The following BDH1 variants were observed in gnomAD, a reference collection of about 807,000 sequenced individuals.
The protein encoded by BDH1 is D-beta-hydroxybutyrate dehydrogenase, mitochondrial.
Under a neutral mutation model 33.1 loss-of-function variants are expected in BDH1, and 30 were observed. The ratio of observed to expected loss-of-function variants is 0.91; its 90% CI spans 0.68 to 1.23. BDH1 has a LOEUF of 1.23. Among genes scored for constraint, BDH1 ranks in the 50% most tolerant of loss-of-function variants. The pLI, the probability that BDH1 is intolerant of heterozygous loss-of-function variation, is 0.00. For missense variants in BDH1, 443 were observed against 464.4 expected (o/e 0.95, Z 0.42); for synonymous variants, 190 against 183.6 (o/e 1.03, Z -0.28).
At chr3:197,519,245 C>A (rs1713256216) in intron 6 of BDH1, among the ~76,000 whole-genome samples, 1 of 152,098 alleles carries the variant, frequency 6.6e-6, no homozygotes, top group Admixed American at 6.5e-5. Flanking sequence ...TCTTCCCATG[C>A]TCTTGTAGTG....
intron 2 of BDH1, among the ~76,000 whole-genome samples, chr3:197,552,067 A>G (rs539410903): frequency 9.2e-5 from 14 of 152,288 alleles, no homozygotes; most frequent in Middle Eastern, 3.4e-3. Context: ...AACTCAGACA[A>G]CTGCGCATCT....
intron 5 of BDH1, chr3:197,529,044 G>A (rs1261459009): frequency 3.3e-5 from 5 of 152,208 alleles, no homozygotes; most frequent in African/African-American, 1.2e-4. Context: ...CGCTGAGGTA[G>A]GTCCACATTC....
At chr3:197,563,481 GTC>G (rs1439917614) in intron 1 of BDH1, among the ~76,000 whole-genome samples, 7 of 152,148 alleles carry the variant, frequency 4.6e-5, no homozygotes, top group African/African-American at 1.7e-4. Flanking sequence ...TCTTTTTCAC[GTC>G]TCTGTTATAA....
At chr3:197,556,074 T>G (rs1045866411), upstream of BDH1, 1 of 152,138 alleles carries the variant, frequency 6.6e-6, no homozygotes, top group South Asian at 2.1e-4. Context: ...CTGGCGCTCC[T>G]CCCGCCCAAG....
At chr3:197,540,912 A>G (rs1715563018) in intron 3 of BDH1, among the ~76,000 whole-genome samples, 1 of 152,018 alleles carries the variant, frequency 6.6e-6, no homozygotes, top group Non-Finnish European at 1.5e-5. Context: ...CCACAGCAAT[A>G]CCCTGACAAG....
rs1183888455 is a variant in BDH1, at chr3:197,521,468, G to A, written c.409+1172C>T. On this transcript the variant is annotated intron_variant, in intron 6 of 7. Coordinates refer to ENST00000392379, the MANE Select transcript of BDH1 (RefSeq NM_203314.3). This position sits in a 1 kb window ranked among gnomAD's most constrained non-coding sequence, Gnocchi z 4.9. ...CAAACTTTCTGTTGTTTAGCCTCTG[G>A]GGAACTGTATCCAACCTCTCTGACA... is the stretch of plus-strand genomic sequence containing the variant. 6.6e-6 allele frequency among the ~76,000 whole-genome samples: 1 copy of A among 152,052 alleles called. No homozygotes were observed. Among genetic ancestry groups the A allele is most frequent in the East Asian group, 1.9e-4 (1 of 5,166 alleles).
intron 5 of BDH1, among the ~76,000 whole-genome samples, chr3:197,524,567 G>A (rs538090725): frequency 3.3e-4 from 51 of 152,354 alleles, no homozygotes; most frequent in Admixed American, 7.8e-4. Flanking sequence ...AGTGGAACAT[G>A]ACTGAGGGAG....
chr3:197,546,447 A>G lies in BDH1; in HGVS notation c.-4T>C. The G allele has an allele frequency of 6.2e-7, 1 of 1,613,970 alleles. No homozygotes were observed. Among genetic ancestry groups the G allele is most frequent in the Non-Finnish European group, 8.5e-7 (1 of 1,179,944 alleles). On this transcript the variant is annotated 5_prime_UTR_variant, in exon 3 of 8. Coordinates refer to ENST00000392379, the MANE Select transcript of BDH1 (RefSeq NM_203314.3). ...TGGAGAGGCGGGTGGCCAGCATGGT[A>G]GCAACGGGTGTTAGAATGGCCCAGT...
intron 2 of BDH1, among the ~76,000 whole-genome samples, chr3:197,550,440 C>T (rs144631993): frequency 6.6e-6 from 1 of 152,308 alleles, no homozygotes; most frequent in Non-Finnish European, 1.5e-5. Flanking sequence ...TCCTGCTCAC[C>T]TGATGTCCCC....
At chr3:197,571,368 C>T in intron 1 of BDH1, among the ~76,000 whole-genome samples, 1 of 152,164 alleles carries the variant, frequency 6.6e-6, no homozygotes, top group East Asian at 1.9e-4. Flanking sequence ...AATGTGAAGA[C>T]ATGAGATTTG....
In BDH1 at chr3:197,528,889, A is replaced by G. The variant is rs1423756936; in HGVS notation, c.267+3523T>C. On this transcript the variant is annotated intron_variant, in intron 5 of 7. Transcript: ENST00000392379. The surrounding 1 kb of genome is among the most constrained non-coding windows in gnomAD (Gnocchi z 5.1). Reference sequence around the variant, plus strand: ...AAGGCCCTTTTGAAGAGTCTTCTGCAGCATCGAGCAGCCTCTGCCCTGTGC... The same window carrying G: ...AAGGCCCTTTTGAAGAGTCTTCTGCGGCATCGAGCAGCCTCTGCCCTGTGC... The G allele has an allele frequency of 2.0e-5, 3 of 152,282 alleles. No homozygotes were observed. The highest frequency in any genetic ancestry group is 4.4e-5 in the Non-Finnish European group (3 of 68,080). The allele number at this position is 152,282 out of a possible 1,614,324, so 9.4% of individuals were successfully genotyped here.
intron 5 of BDH1, chr3:197,529,772 T>C (rs1327552172): frequency 1.3e-5 from 2 of 152,234 alleles, no homozygotes; most frequent in Non-Finnish European, 2.9e-5. Flanking sequence ...TTGTTTATAT[T>C]ATTGAAATTT....
intron 1 of BDH1, among the ~76,000 whole-genome samples, chr3:197,571,991 G>A (rs888940575): frequency 2.0e-5 from 3 of 152,174 alleles, no homozygotes; most frequent in African/African-American, 7.2e-5. Flanking sequence ...TTTCAGCACT[G>A]ACTGAGTGGT....
In BDH1 at chr3:197,521,663, T is replaced by C. The variant is rs1713565269; in HGVS notation, c.409+977A>G. On this transcript the variant is annotated intron_variant, in intron 6 of 7. Coordinates refer to ENST00000392379, the MANE Select transcript of BDH1 (RefSeq NM_203314.3). This position sits in a 1 kb window ranked among gnomAD's most constrained non-coding sequence, Gnocchi z 4.9. Reference sequence around the variant, plus strand: ...CCTATCTCCCCACCTGCTCCTGCAGTGCGGGGCACCAGGTGTCCAGGACAG... The same window carrying C: ...CCTATCTCCCCACCTGCTCCTGCAGCGCGGGGCACCAGGTGTCCAGGACAG... 6.6e-6 allele frequency among the ~76,000 whole-genome samples: 1 copy of C among 152,084 alleles called. No individual in the cohort carries two copies. Among genetic ancestry groups the C allele is most frequent in the Non-Finnish European group, 1.5e-5 (1 of 68,016 alleles).
At position 197,521,821 on chromosome 3, in the gene BDH1, T is replaced by G. The variant is rs549582451; in HGVS notation, c.409+819A>C. 6.6e-6 allele frequency among the ~76,000 whole-genome samples: 1 copy of G among 152,308 alleles called. No homozygotes were observed. Among genetic ancestry groups the G allele is most frequent in the African/African-American group, 2.4e-5 (1 of 41,558 alleles). ...CCCTAGTTCCGGAGTCCAGAACCCA[T>G]GTTTAACTCCCGCTTTGAATCCACC... On this transcript the variant is annotated intron_variant, in intron 6 of 7. Coordinates refer to ENST00000392379, the MANE Select transcript of BDH1 (RefSeq NM_203314.3). This position sits in a 1 kb window ranked among gnomAD's most constrained non-coding sequence, Gnocchi z 4.9.
intron 3 of BDH1, 199 bp from the exon 4 acceptor site, chr3:197,533,760 C>T: frequency 1.7e-6 from 1 of 583,508 alleles, no homozygotes; most frequent in South Asian, 2.3e-5. Context: ...GCTATGTTTG[C>T]CACTGTCCAG....
chr3:197,532,029 C>T (rs976401963), intron 5 of BDH1, among the ~76,000 whole-genome samples: 10 of 152,172 alleles, frequency 6.6e-5, no homozygotes, highest in African/African-American at 1.2e-4. Context: ...TACACAGTCT[C>T]GCCGAACATT....
chr3:197,563,126 ATG>A (rs1171196368), intron 1 of BDH1, among the ~76,000 whole-genome samples: 1 of 152,196 alleles, frequency 6.6e-6, no homozygotes, highest in South Asian at 2.1e-4. Context: ...GTATGTGTGT[ATG>A]TGTGTATGTA....
intron 3 of BDH1, among the ~76,000 whole-genome samples, chr3:197,541,301 G>A (rs1715604751): frequency 6.6e-6 from 1 of 152,224 alleles, no homozygotes; most frequent in Non-Finnish European, 1.5e-5. Context: ...GGATTCCAGT[G>A]CAACAGGTCC....
Sources: gnomAD v4.1 joint callset for allele counts (sites outside exome capture counted in the v4.1 genomes callset) on GRCh38, gnomAD v4.1.1 for gene constraint, Gnocchi (gnomAD v3.1) non-coding constraint, MANE v1.5 for transcripts, NCBI Gene and HGNC (gene_info 2026-07-23, HGNC 2026-07-21) for gene names.